Variants in ZNF680 observed in about 807,000 individuals in gnomAD.
ZNF680 encodes the protein hypothetical protein FLJ90430.
In ZNF680, 6 loss-of-function variants were observed where a neutral mutation model predicts 12.1. The ratio of observed to expected loss-of-function variants is 0.49; its 90% CI spans 0.27 to 0.98. The LOEUF (loss-of-function observed/expected upper bound fraction) is 0.98, where lower values mean the gene tolerates loss of function less well. Ranked by LOEUF, ZNF680 falls within the 50% of genes least tolerant of loss-of-function variation. The probability of loss-of-function intolerance (pLI) is 0.12; values close to 1 mark genes in which losing one functional copy is unlikely to be tolerated. For synonymous variants in ZNF680, 170 were observed against 199.3 expected, an observed-to-expected ratio of 0.85 and a Z score of 1.24; for missense variants, 561 against 616.3, an observed-to-expected ratio of 0.91 and a Z score of 0.95.
chr7:64,503,632 T>G, the ZNF680 span, among the ~76,000 whole-genome samples: 1 of 152,130 alleles, frequency 6.6e-6, no homozygotes, highest in Non-Finnish European at 1.5e-5. Context: ...CCGCCCACCT[T>G]GCCTCGCAAA....
In ZNF680 at chr7:64,544,195, CAG is replaced by C. The variant is rs377316560; in HGVS notation, c.157+109_157+110del. On this transcript the variant is annotated intron_variant, in intron 2 of 3. Coordinates refer to ENST00000309683, the MANE Select transcript of ZNF680 (RefSeq NM_178558.5). Reference sequence around the variant, plus strand: ...CAAAGCTCAAAGATTTTCTTGAAAACAGGGATCTGAAACTCATTTATGCAAAG... The same window carrying C: ...CAAAGCTCAAAGATTTTCTTGAAAACGGATCTGAAACTCATTTATGCAAAG... 45 of 1,433,430 alleles carry C rather than the reference CAG, an allele frequency of 3.1e-5. No homozygotes were observed. The Middle Eastern group carries it at 5.7e-4, about 18-fold the overall frequency. 88.8% of individuals were successfully genotyped at this position (1,433,430 alleles called of 1,614,324 possible).
the ZNF680 span, among the ~76,000 whole-genome samples, chr7:64,499,779 G>C: frequency 6.6e-6 from 1 of 152,130 alleles, no homozygotes; most frequent in Non-Finnish European, 1.5e-5. Context: ...GCCAGCTCGG[G>C]CACAGAGGGA....
rs1342310092 is a variant in ZNF680 at position 64,521,853 on chromosome 7, T to C, written c.901A>G (p.Lys301Glu). 1 of 1,613,436 alleles carries C rather than the reference T, an allele frequency of 6.2e-7. No homozygotes were observed. Among genetic ancestry groups the C allele is most frequent in the African/African-American group, 1.3e-5 (1 of 74,914 alleles). ...DKPYKCDECH[K>E]AFNWFATLTN... ...AGGGTTGCAAACCAGTTAAAGGCTT[T>C]GTGACATTCATCACATTTGTAAGGT... The change falls in exon 4 of 4, where the codon AAA (lysine) becomes GAA (glutamate). Residue 301 changes from lysine (K) to glutamate (E), a missense_variant. By Grantham distance (56) the Lys-to-Glu change is moderately conservative (BLOSUM62 1). Transcript: ENST00000309683.
chr7:64,547,954 G>T lies in ZNF680; in HGVS notation c.31-3522C>A, dbSNP rs1373130854. On this transcript the variant is annotated intron_variant, in intron 1 of 3. Coordinates refer to ENST00000309683, the MANE Select transcript of ZNF680 (RefSeq NM_178558.5). ...AGCCAAAACTAATTTCTTCTAATCA[G>T]TTTGGTGAGGCAAGACTCCACAGTG... Among the ~76,000 whole-genome samples, 6 of 152,292 alleles carry T rather than the reference G, an allele frequency of 3.9e-5. No homozygotes were observed. In the East Asian group the frequency reaches 1.2e-3, roughly 29 times the overall value.
chr7:64,525,994 T>C, intron 3 of ZNF680: 1 of 985,108 alleles, frequency 1.0e-6, no homozygotes, highest in Non-Finnish European at 1.2e-6. Flanking sequence ...TGTCTTAAAT[T>C]TTACAGAGTT....
intron 1 of ZNF680, among the ~76,000 whole-genome samples, chr7:64,552,218 T>C (rs1217854776): frequency 6.6e-6 from 1 of 152,204 alleles, no homozygotes; most frequent in Non-Finnish European, 1.5e-5. Context: ...CATATCCAGC[T>C]AATTTTTGTA....
chr7:64,528,568 G>T (rs1440694778), intron 3 of ZNF680, among the ~76,000 whole-genome samples: 1 of 152,106 alleles, frequency 6.6e-6, no homozygotes. Flanking sequence ...CCACTTCCCT[G>T]ACAACCTGCA....
rs983503782 is a variant in ZNF680, at chr7:64,537,802, C to T, written c.253+5905G>A. ...ACAATTAGCCGGGCGTGGTGGCGGG[C>T]GCCTGTAGTCCCAGCTATTTGGGAG... On this transcript the variant is annotated intron_variant, in intron 3 of 3. Transcript: ENST00000309683. Among the ~76,000 whole-genome samples, 15 of 152,016 alleles carry T rather than the reference C, an allele frequency of 9.9e-5. No individual in the cohort carries two copies. In the East Asian group the frequency reaches 1.2e-3, roughly 12 times the overall value.
At chr7:64,561,506 A>AT (rs1467827895) in intron 1 of ZNF680, among the ~76,000 whole-genome samples, 7 of 152,196 alleles carry the variant, frequency 4.6e-5, no homozygotes, top group Admixed American at 6.5e-5. Flanking sequence ...AGGCGCAGAG[A>AT]TTTTTTACAA....
At chr7:64,528,767 T>C (rs376338403) in intron 3 of ZNF680, among the ~76,000 whole-genome samples, 14 of 152,230 alleles carry the variant, frequency 9.2e-5, no homozygotes, top group African/African-American at 2.9e-4. Flanking sequence ...AAAGGGCATA[T>C]ACTCTAAGAA....
In ZNF680 at chr7:64,543,782, G is replaced by A. The variant is rs147253391; in HGVS notation, c.178C>T (p.His60Tyr). Reference protein sequence around the residue: ...VFLGIAVSKPHLITCLEQGKE... With the variant: ...VFLGIAVSKPYLITCLEQGKE... ...CCTTGCTCCAAACAGGTTATCAGGTGAGGCTTAGAGACAGCAATACCTGTT... is the reference window on the plus strand; with the variant it reads ...CCTTGCTCCAAACAGGTTATCAGGTAAGGCTTAGAGACAGCAATACCTGTT... The change falls in exon 3 of 4, where the codon CAC becomes TAC. Residue 60 changes from histidine to tyrosine, a missense_variant. Physicochemically the swap from His to Tyr is moderately conservative, Grantham distance 83. Transcript: ENST00000309683. 3 of 1,612,644 alleles carry A rather than the reference G, an allele frequency of 1.9e-6. No individual in the cohort carries two copies. Among genetic ancestry groups the A allele is most frequent in the Non-Finnish European group, 2.5e-6 (3 of 1,179,538 alleles).
At chr7:64,546,037 A>G (rs1363000614) in intron 1 of ZNF680, among the ~76,000 whole-genome samples, 1 of 152,210 alleles carries the variant, frequency 6.6e-6, no homozygotes, top group Non-Finnish European at 1.5e-5. Flanking sequence ...TACACAGGAA[A>G]AATATTTTTC....
At chr7:64,518,090 A>G (rs2116340634), downstream of ZNF680, among the ~76,000 whole-genome samples, 1 of 152,166 alleles carries the variant, frequency 6.6e-6, no homozygotes, top group Non-Finnish European at 1.5e-5. Context: ...CAGAGCACTC[A>G]AATAGGAGAA....
chr7:64,543,489 G>C (rs1004290819), intron 3 of ZNF680, among the ~76,000 whole-genome samples: 1 of 152,188 alleles, frequency 6.6e-6, no homozygotes, highest in Non-Finnish European at 1.5e-5. Flanking sequence ...CAGTAAACTT[G>C]AAGGAAGATC....
intron 1 of ZNF680, among the ~76,000 whole-genome samples, chr7:64,562,190 C>T (rs572300751): frequency 6.6e-6 from 1 of 150,602 alleles, no homozygotes; most frequent in South Asian, 2.1e-4. Context: ...CGAGATCGTG[C>T]CACTGCACTT....
At chr7:64,501,266 T>C in the ZNF680 span, 1 of 937,876 alleles carries the variant, frequency 1.1e-6, no homozygotes, top group Non-Finnish European at 1.8e-6. Flanking sequence ...CCTCCTCCTA[T>C]TGCTTAGGCT....
Position 64,524,071 on chromosome 7 carries a change from A to G in ZNF680, c.254-1571T>C, listed in dbSNP as rs1791698230. ...AGAAGAAGAGGTCAAAATATTACAC[A>G]AAATACATCTTAAGTCAAAAACTGT... On this transcript the variant is annotated intron_variant, in intron 3 of 3. Coordinates refer to ENST00000309683, the MANE Select transcript of ZNF680 (RefSeq NM_178558.5). Among the ~76,000 whole-genome samples, 4 of 152,296 alleles carry G rather than the reference A, an allele frequency of 2.6e-5. 1 individual carries two copies. The South Asian group carries it at 8.3e-4, about 32-fold the overall frequency.
the ZNF680 span, among the ~76,000 whole-genome samples, chr7:64,500,617 G>A: frequency 1.3e-5 from 2 of 152,192 alleles, no homozygotes; most frequent in African/African-American, 4.8e-5. Flanking sequence ...AATGATGATT[G>A]TCTGGGGCTG....
the ZNF680 span, chr7:64,501,064 G>C: frequency 4.7e-5 from 39 of 831,538 alleles, no homozygotes; most frequent in Non-Finnish European, 7.7e-5. Context: ...CCAGGTTTTA[G>C]ATATTAACCT....
Sources: gnomAD v4.1 joint callset for allele counts (sites outside exome capture counted in the v4.1 genomes callset) on GRCh38, gnomAD v4.1.1 for gene constraint, MANE v1.5 for transcripts, NCBI Gene and HGNC (gene_info 2026-07-23, HGNC 2026-07-21) for gene names.